Variants in SLC39A12 observed in about 807,000 individuals in gnomAD.
The protein encoded by SLC39A12 is zinc transporter ZIP12.
SLC39A12 carries 63 observed loss-of-function variants against 71.1 expected under a neutral mutation model. The ratio of observed to expected loss-of-function variants is 0.89; its 90% CI spans 0.72 to 1.09. The LOEUF (loss-of-function observed/expected upper bound fraction) is 1.09. SLC39A12 is among the 50% of genes least tolerant of loss of function. The pLI, the probability that SLC39A12 is intolerant of heterozygous loss-of-function variation, is 0.00. For missense variants in SLC39A12, 892 were observed against 812.6 expected, an observed-to-expected ratio of 1.10 and a Z score of -1.19; for synonymous variants, 351 against 301.3, an observed-to-expected ratio of 1.16 and a Z score of -1.71.
chr10:17,965,524 G>T lies in SLC39A12; in HGVS notation c.585G>T (p.Val195=). 6.2e-7 allele frequency: 1 copy of T among 1,614,150 alleles called. No individual in the cohort carries two copies. The highest frequency in any genetic ancestry group is 8.5e-7 in the Non-Finnish European group (1 of 1,180,026). ...CGCTGCAGAAAAAATCTGGAATAGT[G>T]AGCAGTGAAGGTGCTAATGAAAGTA... is the stretch of plus-strand genomic sequence containing the variant. ...TKTLQKKSGI[V]SSEGANESTL... is the part of the protein sequence containing the mutation. The change falls in exon 4 of 13, where the codon GTG becomes GTT. Residue 195 remains valine, a synonymous_variant. Transcript: ENST00000377369.
intron 12 of SLC39A12, among the ~76,000 whole-genome samples, chr10:18,036,060 G>T (rs372792682): frequency 6.6e-6 from 1 of 151,948 alleles, no homozygotes; most frequent in East Asian, 1.9e-4. Context: ...AAGCTGTCAG[G>T]CAGGGACATT....
intron 2 of SLC39A12, 125 bp from the exon 3 acceptor site, chr10:17,961,456 T>C: frequency 1.1e-6 from 1 of 903,730 alleles, no homozygotes; most frequent in Non-Finnish European, 1.6e-6. Context: ...TGGCTATTGG[T>C]CCTGCCTGCT....
At chr10:17,996,756 G>T in intron 10 of SLC39A12, among the ~76,000 whole-genome samples, 1 of 152,106 alleles carries the variant, frequency 6.6e-6, no homozygotes, top group East Asian at 1.9e-4. Flanking sequence ...CCAGCACTTT[G>T]GGAGGCCGAG....
chr10:17,978,071 T>G lies in SLC39A12; in HGVS notation c.921T>G (p.Asp307Glu). The G allele has an allele frequency of 1.3e-6, 2 of 1,575,058 alleles. No individual in the cohort carries two copies. The highest frequency in any genetic ancestry group is 1.7e-6 in the Non-Finnish European group (2 of 1,165,734). The change falls in exon 5 of 13, where the codon GAT becomes GAG. Residue 307 changes from aspartate (D) to glutamate (E), a missense_variant. Transcript: ENST00000377369. ...KESEDGPVSWDQTCFSARQLV... is the reference protein window; with the variant it reads ...KESEDGPVSWEQTCFSARQLV... ...CTGAGGATGGTCCAGTTTCCTGGGA[T>G]CAGGTATTGCCATTGTTTCTCTTAT...
At chr10:18,038,895 A>G (rs1033253395) in intron 12 of SLC39A12, among the ~76,000 whole-genome samples, 1 of 152,160 alleles carries the variant, frequency 6.6e-6, no homozygotes, top group Non-Finnish European at 1.5e-5. Flanking sequence ...GAGCTTTCCA[A>G]AATGTAGGTT....
At chr10:17,958,456 A>G (rs1834605008) in intron 2 of SLC39A12, among the ~76,000 whole-genome samples, 1 of 152,146 alleles carries the variant, frequency 6.6e-6, no homozygotes, top group Admixed American at 6.5e-5. Flanking sequence ...TCTCTTAGCC[A>G]CCTAACTGAC....
chr10:18,009,693 C>G (rs1156458703), intron 12 of SLC39A12: 3 of 152,100 alleles, frequency 2.0e-5, no homozygotes, highest in African/African-American at 7.2e-5. Context: ...GAAGTGTCGC[C>G]CAGAAGTAAT....
rs546960040 is a variant in SLC39A12 at position 17,995,282 on chromosome 10, A to G, written c.1534-374A>G. On this transcript the variant is annotated intron_variant, in intron 9 of 12. Transcript: ENST00000377369. The stretch of plus-strand genomic sequence containing the variant: ...AGGTTAGAGGATGGATCTTAAGTCC[A>G]CAATCCACCATACAGGAGAAGTGCT... Among the ~76,000 whole-genome samples, 322 of 152,308 alleles carry G rather than the reference A, an allele frequency of 2.1e-3. 1 individual carries two copies. The highest frequency in any genetic ancestry group is 3.8e-3 in the Non-Finnish European group (261 of 68,008).
chr10:18,035,665 A>T (rs532381085), intron 12 of SLC39A12, among the ~76,000 whole-genome samples: 8 of 152,198 alleles, frequency 5.3e-5, no homozygotes, highest in African/African-American at 1.9e-4. Flanking sequence ...GTCATTCTCC[A>T]TCCAGCTTTG....
intron 12 of SLC39A12, among the ~76,000 whole-genome samples, chr10:18,034,247 G>A (rs2130897248): frequency 6.7e-6 from 1 of 149,662 alleles, no homozygotes; most frequent in Non-Finnish European, 1.5e-5. Context: ...TGTTGACAGT[G>A]GGGTGTTAAA....
At chr10:18,037,049 A>G (rs1837071774) in intron 12 of SLC39A12, among the ~76,000 whole-genome samples, 1 of 151,890 alleles carries the variant, frequency 6.6e-6, no homozygotes, top group African/African-American at 2.4e-5. Context: ...GGCCTCCCAA[A>G]GTGCTGGGAT....
At chr10:18,030,494 C>T (rs1253200361) in intron 12 of SLC39A12, among the ~76,000 whole-genome samples, 1 of 151,984 alleles carries the variant, frequency 6.6e-6, no homozygotes, top group African/African-American at 2.4e-5. Context: ...CTGCCTCGGC[C>T]TCCCAAAGTG....
chr10:18,042,585 G>C, intron 12 of SLC39A12, 120 bp from the exon 13 acceptor site: 2 of 958,888 alleles, frequency 2.1e-6, no homozygotes, highest in Non-Finnish European at 2.9e-6. Context: ...TTTTGTAACT[G>C]TTTTGGGAAT....
intron 12 of SLC39A12, among the ~76,000 whole-genome samples, chr10:18,032,784 C>G (rs1332415994): frequency 1.1e-3 from 165 of 151,694 alleles, no homozygotes; most frequent in African/African-American, 1.6e-3. Flanking sequence ...TTGGCTGTGG[C>G]TTTGTCATAG....
intron 12 of SLC39A12, among the ~76,000 whole-genome samples, chr10:18,010,000 T>G (rs1178409267): frequency 2.0e-5 from 3 of 152,230 alleles, no homozygotes; most frequent in Non-Finnish European, 4.4e-5. Context: ...CTAGCCAGGC[T>G]TCTCCTCTCT....
At chr10:17,969,912 C>G (rs1464189600) in intron 4 of SLC39A12, among the ~76,000 whole-genome samples, 1 of 152,116 alleles carries the variant, frequency 6.6e-6, no homozygotes, top group Non-Finnish European at 1.5e-5. Context: ...ATTTCATAGT[C>G]TGAAATCTTA....
chr10:18,011,596 C>G (rs1441793802), intron 12 of SLC39A12, among the ~76,000 whole-genome samples: 1 of 152,104 alleles, frequency 6.6e-6, no homozygotes, highest in Non-Finnish European at 1.5e-5. Context: ...CATCCTAACC[C>G]CCACATTGTT....
intron 12 of SLC39A12, among the ~76,000 whole-genome samples, chr10:18,036,519 C>T (rs1225930891): frequency 6.6e-6 from 1 of 151,800 alleles, no homozygotes; most frequent in African/African-American, 2.4e-5. Flanking sequence ...ACGCACGGTG[C>T]GCGCACCCAC....
chr10:18,039,533 G>A (rs1318438777), intron 12 of SLC39A12, among the ~76,000 whole-genome samples: 1 of 152,164 alleles, frequency 6.6e-6, no homozygotes, highest in African/African-American at 2.4e-5. Context: ...TTTGTGATCA[G>A]CCTAGGCAAC....
Sources: gnomAD v4.1 joint callset for allele counts (sites outside exome capture counted in the v4.1 genomes callset) on GRCh38, gnomAD v4.1.1 for gene constraint, MANE v1.5 for transcripts, NCBI Gene and HGNC (gene_info 2026-07-23, HGNC 2026-07-21) for gene names.